ZNF790: variants seen among roughly 807,000 people sequenced by gnomAD.
ZNF790 encodes zinc finger protein 790.
In ZNF790, 8 loss-of-function variants were observed where a neutral mutation model predicts 12.1. The ratio of observed to expected loss-of-function variants is 0.66; its 90% confidence interval spans 0.39 to 1.19. ZNF790 has a LOEUF of 1.19. Among genes scored for constraint, ZNF790 ranks in the 50% most tolerant of loss-of-function variants. The probability of loss-of-function intolerance (pLI) is 0.01; values close to 1 mark genes in which losing one functional copy is unlikely to be tolerated. For missense variants in ZNF790, 707 were observed against 752.2 expected (o/e 0.94, Z 0.70); for synonymous variants, 252 against 244.3 (o/e 1.03, Z -0.29).
chr19:36,820,902 T>TG (rs1236964067), intron 4 of ZNF790, among the ~76,000 whole-genome samples: 1 of 150,494 alleles, frequency 6.6e-6, no homozygotes, highest in Non-Finnish European at 1.5e-5. Flanking sequence ...CTTTTTTTTT[T>TG]TTTTTTTTTT....
chr19:36,823,696 A>G lies in ZNF790; in HGVS notation c.104T>C (p.Leu35Ser), dbSNP rs759147543. 6.2e-7 allele frequency: 1 copy of G among 1,610,592 alleles called. No individual in the cohort carries two copies. The highest frequency in any genetic ancestry group is 8.5e-7 in the Non-Finnish European group (1 of 1,179,264). ...EQRDLYRDVMLENYSNMVSLG... is the reference protein window; with the variant it reads ...EQRDLYRDVMSENYSNMVSLG... ...TGAGACCATGTTGCTGTAGTTCTCCAACATCACATCTCTATATAAATCCCT... is the reference window on the plus strand; with the variant it reads ...TGAGACCATGTTGCTGTAGTTCTCCGACATCACATCTCTATATAAATCCCT... The change falls in exon 3 of 5, where the codon TTG (leucine) becomes TCG (serine). Residue 35 changes from leucine (L) to serine (S), a missense_variant. By Grantham distance (145) the Leu-to-Ser change is moderately radical. Coordinates refer to ENST00000356725, the MANE Select transcript of ZNF790 (RefSeq NM_206894.4).
chr19:36,822,717 T>C (rs1462133930), intron 4 of ZNF790, among the ~76,000 whole-genome samples: 2 of 151,946 alleles, frequency 1.3e-5, no homozygotes, highest in East Asian at 3.9e-4. Flanking sequence ...TTTTTGTATT[T>C]TTAGTAGAGA....
intron 1 of ZNF790, among the ~76,000 whole-genome samples, chr19:36,835,006 G>C (rs2072015726): frequency 6.6e-6 from 1 of 152,180 alleles, no homozygotes; most frequent in South Asian, 2.1e-4. Flanking sequence ...ATAAAATTTT[G>C]GCTGTGCACG....
At chr19:36,823,880 G>A (rs2071732659) in intron 2 of ZNF790, 90 bp from the exon 3 acceptor site, 1 of 1,242,496 alleles carries the variant, frequency 8.0e-7, no homozygotes, top group Non-Finnish European at 1.1e-6. Flanking sequence ...GCTGGAAAGG[G>A]GCACTGCAGG....
In ZNF790 at chr19:36,819,565, C is replaced by T. The variant is rs184346385; in HGVS notation, c.779G>A (p.Gly260Glu). Residue 260 changes from glycine to glutamate, a missense_variant, in exon 5 of 5, where the codon GGG (glycine) becomes GAG (glutamate). By Grantham distance (98) the Gly-to-Glu change is moderately conservative (BLOSUM62 -2). Coordinates refer to ENST00000356725, the MANE Select transcript of ZNF790 (RefSeq NM_206894.4). Reference sequence around the variant, plus strand: ...TTGTGAATGAAATCTAAAGGCTTTCCCACAATCCTTACATTTAAAAGGTTT... The same window carrying T: ...TTGTGAATGAAATCTAAAGGCTTTCTCACAATCCTTACATTTAAAAGGTTT... ...GEKPFKCKDC[G>E]KAFRFHSQLS... 1.2e-6 allele frequency: 2 copies of T among 1,612,072 alleles called. No homozygotes were observed. Among genetic ancestry groups the T allele is most frequent in the African/African-American group, 1.3e-5 (1 of 74,956 alleles).
intron 1 of ZNF790, among the ~76,000 whole-genome samples, chr19:36,826,624 AAT>A (rs1491241014): frequency 1.4e-5 from 2 of 144,842 alleles, no homozygotes; most frequent in South Asian, 2.1e-4. Flanking sequence ...AATTATCTAT[AAT>A]TATATATATA....
chr19:36,845,944 G>A (rs2072176497), intron 1 of ZNF790, among the ~76,000 whole-genome samples: 1 of 151,936 alleles, frequency 6.6e-6, no homozygotes, highest in Non-Finnish European at 1.5e-5. Flanking sequence ...CAGTAGCTGG[G>A]ATTACAGGAA....
rs1204822931 is a variant in ZNF790 at position 36,818,854 on chromosome 19, T to C, written c.1490A>G (p.Gln497Arg). The C allele has an allele frequency of 1.2e-6, 2 of 1,613,760 alleles. No homozygotes were observed. Among genetic ancestry groups the C allele is most frequent in the Non-Finnish European group, 1.7e-6 (2 of 1,179,910 alleles). ...TGGCCTCTTTCCAGTATGAATTTTC[T>C]GGTGTCGATTAAGTTCTGAACCACG... ...FFRGSELNRH[Q>R]KIHTGKRPYE... Residue 497 changes from glutamine (Q) to arginine (R), a missense_variant, in exon 5 of 5, where the codon CAG becomes CGG. Transcript: ENST00000356725.
intron 1 of ZNF790, among the ~76,000 whole-genome samples, chr19:36,845,077 A>T (rs1365190707): frequency 2.0e-5 from 3 of 149,628 alleles, no homozygotes; most frequent in Non-Finnish European, 4.4e-5. Context: ...AAAAAAAAGA[A>T]ATACTAAATG....
At chr19:36,822,231 T>TGA (rs1296428756) in intron 4 of ZNF790, among the ~76,000 whole-genome samples, 1 of 151,774 alleles carries the variant, frequency 6.6e-6, no homozygotes, top group African/African-American at 2.4e-5. Context: ...ATAGGAAAAA[T>TGA]GACAAAAATT....
At chr19:36,835,123 T>C (rs1156585959) in intron 1 of ZNF790, among the ~76,000 whole-genome samples, 1 of 150,924 alleles carries the variant, frequency 6.6e-6, no homozygotes, top group Non-Finnish European at 1.5e-5. Context: ...ACGTGTCTAC[T>C]AAAAATACAA....
intron 1 of ZNF790, among the ~76,000 whole-genome samples, chr19:36,831,506 C>T (rs1675905725): frequency 6.6e-6 from 1 of 152,152 alleles, no homozygotes; most frequent in South Asian, 2.1e-4. Context: ...TGCTTGAGTC[C>T]AGGAGTTCAA....
Position 36,819,807 on chromosome 19 carries a change from A to G in ZNF790, c.537T>C (p.Phe179=). 1.2e-6 allele frequency: 2 copies of G among 1,613,022 alleles called. No individual in the cohort carries two copies. The highest frequency in any genetic ancestry group is 1.7e-6 in the Non-Finnish European group (2 of 1,179,382). The part of the protein sequence containing the change: ...LNEFKELGKA[F]ISGSDHTQHQ... ...GTTGAGTATGATCTGAACCAGAAAT[A>G]AAGGCTTTCCCCAGTTCTTTAAATT... Residue 179 remains phenylalanine (F), a synonymous_variant, in exon 5 of 5, where the codon TTT becomes TTC. Transcript: ENST00000356725.
intron 1 of ZNF790, among the ~76,000 whole-genome samples, chr19:36,833,631 A>T (rs1454770725): frequency 6.6e-6 from 1 of 152,230 alleles, no homozygotes; most frequent in African/African-American, 2.4e-5. Context: ...AATCAAAATA[A>T]TGCTTAGGTG....
intron 1 of ZNF790, among the ~76,000 whole-genome samples, chr19:36,843,681 C>T (rs887890313): frequency 1.3e-5 from 2 of 151,932 alleles, no homozygotes; most frequent in South Asian, 2.1e-4. Context: ...TTAAGCATGC[C>T]GAGACAGGAC....
rs143643540 is a variant in ZNF790, at chr19:36,825,675, C to T, written c.-56G>A. 16 of 1,597,666 alleles carry T rather than the reference C, an allele frequency of 1.0e-5. No homozygotes were observed. The highest frequency in any genetic ancestry group is 4.5e-5 in the East Asian group (2 of 44,796). On this transcript the variant is annotated 5_prime_UTR_variant, in exon 2 of 5. Coordinates refer to ENST00000356725, the MANE Select transcript of ZNF790 (RefSeq NM_206894.4). Reference sequence around the variant, plus strand: ...TCTGGATTCTTTCTTGGTGAGGCAGCGTGCTGGGAAAGCAGAGCTAGAAGG... The same window carrying T: ...TCTGGATTCTTTCTTGGTGAGGCAGTGTGCTGGGAAAGCAGAGCTAGAAGG...
chr19:36,823,660 A>G lies in ZNF790; in HGVS notation c.133+7T>C. 6.2e-7 allele frequency: 1 copy of G among 1,601,444 alleles called. No homozygotes were observed. Among genetic ancestry groups the G allele is most frequent in the Non-Finnish European group, 8.5e-7 (1 of 1,177,246 alleles). Reference sequence around the variant, plus strand: ...CAGGAATTTCTAAGGAAAATGCTGAATCTTACCCAGTGAGACCATGTTGCT... The same window carrying G: ...CAGGAATTTCTAAGGAAAATGCTGAGTCTTACCCAGTGAGACCATGTTGCT... On this transcript the variant is annotated splice_region_variant and intron_variant, in intron 3 of 4. Transcript: ENST00000356725.
At chr19:36,821,573 T>A (rs2071672486) in intron 4 of ZNF790, among the ~76,000 whole-genome samples, 1 of 151,750 alleles carries the variant, frequency 6.6e-6, no homozygotes, top group African/African-American at 2.4e-5. Flanking sequence ...GAGTTTGTCT[T>A]TTTATTTATT....
In ZNF790 at chr19:36,823,907, G is replaced by C. The variant is rs570170078; in HGVS notation, c.10-117C>G. On this transcript the variant is annotated intron_variant, in intron 2 of 4. Transcript: ENST00000356725. ...CACTGCAGGGAGTGGGGCATATATT[G>C]GGCGAAAAACTGGAGTTGGCTGCCT... 27 of 924,120 alleles carry C rather than the reference G, an allele frequency of 2.9e-5. No homozygotes were observed. In the African/African-American group the frequency reaches 4.3e-4, roughly 15 times the overall value. 57.2% of individuals were successfully genotyped at this position (924,120 alleles called of 1,614,324 possible). A position where few individuals can be genotyped will look rare whatever the true frequency, so the allele number is the denominator to read the frequency against.
Sources: gnomAD v4.1 joint callset for allele counts (sites outside exome capture counted in the v4.1 genomes callset) on GRCh38, gnomAD v4.1.1 for gene constraint, MANE v1.5 for transcripts, NCBI Gene and HGNC (gene_info 2026-07-23, HGNC 2026-07-21) for gene names.